GRM7: variants seen among roughly 807,000 people sequenced by gnomAD.
GRM7 encodes glutamate metabotropic receptor 7.
GRM7 carries 35 observed loss-of-function variants against 84.5 expected under a neutral mutation model. That is an observed-to-expected ratio of 0.41 (90% CI 0.32 to 0.55). GRM7 has a LOEUF of 0.55. Ranked by LOEUF, GRM7 falls within the 20% of genes least tolerant of loss-of-function variation. The probability of loss-of-function intolerance (pLI) is 0.19; values close to 1 mark genes in which losing one functional copy is unlikely to be tolerated. For missense variants in GRM7, 1,003 were observed against 1,194.6 expected (o/e 0.84, Z 2.36); for synonymous variants, 487 against 455.1 (o/e 1.07, Z -0.89).
intron 1 of GRM7, among the ~76,000 whole-genome samples, chr3:6,944,910 C>T (rs780992422): frequency 6.6e-6 from 1 of 152,072 alleles, no homozygotes; most frequent in Non-Finnish European, 1.5e-5. Context: ...TCTAAAATAT[C>T]AATTTCATGG....
At chr3:7,633,786 C>T (rs1278912658) in intron 8 of GRM7, among the ~76,000 whole-genome samples, 1 of 152,136 alleles carries the variant, frequency 6.6e-6, no homozygotes, top group Non-Finnish European at 1.5e-5. Flanking sequence ...TCTGATTTGT[C>T]AACAAATCAG....
At chr3:6,902,753 G>T (rs764759246) in intron 1 of GRM7, among the ~76,000 whole-genome samples, 1 of 151,798 alleles carries the variant, frequency 6.6e-6, no homozygotes, top group Non-Finnish European at 1.5e-5. Flanking sequence ...GTTTATTCTT[G>T]ACCTTCAATT....
intron 7 of GRM7, among the ~76,000 whole-genome samples, chr3:7,514,324 A>C (rs1169244485): frequency 6.6e-6 from 1 of 152,240 alleles, no homozygotes; most frequent in Non-Finnish European, 1.5e-5. Context: ...CTTAAGACCT[A>C]TTGCAACAAA....
intron 1 of GRM7, among the ~76,000 whole-genome samples, chr3:6,949,513 T>C (rs1198081334): frequency 7.2e-5 from 11 of 152,174 alleles, no homozygotes; most frequent in Middle Eastern, 6.8e-3. Context: ...TCAACTTTGG[T>C]GAATCTGACA....
At chr3:7,636,454 G>C (rs1472004422) in intron 8 of GRM7, 1 of 338,468 alleles carries the variant, frequency 3.0e-6, no homozygotes, top group East Asian at 7.5e-5. Flanking sequence ...CATCGGTTGA[G>C]AATAATTCCA....
chr3:7,303,337 C>T (rs1434876930), intron 3 of GRM7, among the ~76,000 whole-genome samples: 1 of 152,178 alleles, frequency 6.6e-6, no homozygotes, highest in African/African-American at 2.4e-5. Flanking sequence ...TTCCATCTCA[C>T]CATGCTTCCT....
chr3:7,575,243 T>G (rs1053450557), intron 7 of GRM7, among the ~76,000 whole-genome samples: 5 of 152,146 alleles, frequency 3.3e-5, no homozygotes, highest in Non-Finnish European at 7.3e-5. Flanking sequence ...ACCATAAACC[T>G]TGGATGTCCA....
intron 2 of GRM7, among the ~76,000 whole-genome samples, chr3:7,222,394 G>A (rs1478919206): frequency 6.6e-6 from 1 of 151,906 alleles, no homozygotes; most frequent in Non-Finnish European, 1.5e-5. Context: ...TTGGATAGAG[G>A]GTTCCATGTA....
intron 7 of GRM7, among the ~76,000 whole-genome samples, chr3:7,476,296 C>G (rs1226493801): frequency 6.6e-6 from 1 of 152,140 alleles, no homozygotes; most frequent in Non-Finnish European, 1.5e-5. Context: ...GCCTGTAATC[C>G]CAGTACTTTG....
In GRM7 at chr3:6,895,237, G is replaced by C. The variant is rs75640074; in HGVS notation, c.519+33330G>C. Reference sequence around the variant, plus strand: ...ACCTTATATACTTGATACACCAAAAGTGTCGCCTCAGTGGATCCCTTCCCC... The same window carrying C: ...ACCTTATATACTTGATACACCAAAACTGTCGCCTCAGTGGATCCCTTCCCC... On this transcript the variant is annotated intron_variant, in intron 1 of 9. Coordinates refer to ENST00000357716, the MANE Select transcript of GRM7 (RefSeq NM_000844.4). Among the ~76,000 whole-genome samples the C allele has an allele frequency of 1.5e-3, 226 of 152,242 alleles. 6 individuals carry two copies. In the East Asian group the frequency reaches 0.038, roughly 26 times the overall value.
intron 1 of GRM7, among the ~76,000 whole-genome samples, chr3:7,011,385 A>G (rs564137356): frequency 6.6e-6 from 1 of 152,230 alleles, no homozygotes; most frequent in African/African-American, 2.4e-5. Flanking sequence ...TCTTAATGCC[A>G]CCTTTTATTT....
chr3:7,011,319 TAAAAG>T (rs745515527), intron 1 of GRM7, among the ~76,000 whole-genome samples: 4 of 152,172 alleles, frequency 2.6e-5, no homozygotes, highest in Non-Finnish European at 5.9e-5. Flanking sequence ...TCTCTGTAAA[TAAAAG>T]AAAATAACCT....
intron 2 of GRM7, among the ~76,000 whole-genome samples, chr3:7,213,439 C>G (rs1030148055): frequency 6.6e-6 from 1 of 152,118 alleles, no homozygotes; most frequent in Admixed American, 6.5e-5. Flanking sequence ...CTTAATGTTA[C>G]AGACTGAATG....
At chr3:7,618,080 A>C (rs1168305508) in intron 8 of GRM7, among the ~76,000 whole-genome samples, 3 of 152,146 alleles carry the variant, frequency 2.0e-5, no homozygotes, top group Non-Finnish European at 4.4e-5. Context: ...AGAGCTAACA[A>C]GGCTTAGCTC....
At chr3:7,412,985 G>GACACAC (rs59610581) in intron 4 of GRM7, among the ~76,000 whole-genome samples, 2 of 148,710 alleles carry the variant, frequency 1.3e-5, no homozygotes, top group African/African-American at 2.5e-5. Flanking sequence ...AATTCACTAT[G>GACACAC]ACACACACAC....
intron 7 of GRM7, among the ~76,000 whole-genome samples, chr3:7,515,190 G>A (rs1356537788): frequency 2.1e-5 from 3 of 142,994 alleles, no homozygotes; most frequent in Non-Finnish European, 4.5e-5. Flanking sequence ...AAACACAAGT[G>A]CAGTGTTGAA....
At chr3:7,318,085 G>A (rs1379532076) in intron 4 of GRM7, among the ~76,000 whole-genome samples, 1 of 151,952 alleles carries the variant, frequency 6.6e-6, no homozygotes, top group African/African-American at 2.4e-5. Flanking sequence ...AAAATCACAG[G>A]CGTCTTAACA....
chr3:7,260,122 G>A (rs1462045275), intron 2 of GRM7, among the ~76,000 whole-genome samples: 1 of 151,286 alleles, frequency 6.6e-6, no homozygotes, highest in Non-Finnish European at 1.5e-5. Context: ...CATGCCCTCT[G>A]CCCACTTTTC....
At chr3:7,370,945 C>T (rs1446621400) in intron 4 of GRM7, among the ~76,000 whole-genome samples, 5 of 152,148 alleles carry the variant, frequency 3.3e-5, no homozygotes, top group Non-Finnish European at 7.3e-5. Context: ...GCTTACATTT[C>T]CTCAAGTCTT....
Sources: allele counts gnomAD v4.1 joint callset (sites outside exome capture counted in the v4.1 genomes callset), GRCh38; gene constraint gnomAD v4.1.1; transcripts MANE v1.5; gene names NCBI Gene and HGNC (gene_info 2026-07-23, HGNC 2026-07-21).